The following RBM45 variants were observed in gnomAD, a reference collection of about 807,000 sequenced individuals.
RBM45 encodes RNA binding motif protein 45, also known as RNA-binding protein 45.
RBM45 carries 39 observed loss-of-function variants against 58.5 expected under a neutral mutation model. That is an observed-to-expected ratio of 0.67 (90% CI 0.52 to 0.87). The LOEUF (loss-of-function observed/expected upper bound fraction) is 0.87. Among genes scored for constraint, RBM45 ranks in the 40% least tolerant of loss-of-function variants. The pLI is 0.00. For synonymous variants in RBM45, 193 were observed against 203.0 expected, an observed-to-expected ratio of 0.95 and a Z score of 0.42; for missense variants, 481 against 581.6, an observed-to-expected ratio of 0.83 and a Z score of 1.78.
At chr2:178,137,192 A>T (rs77370645) in exon 4 of RBM45, 1 of 152,216 alleles carries the variant, frequency 6.6e-6, no homozygotes, top group Non-Finnish European at 1.5e-5. Context: ...TAAAACTACA[A>T]TAAGCTACCC....
exon 4 of RBM45, chr2:178,138,592 A>G (rs1464372411): frequency 6.6e-6 from 1 of 152,172 alleles, no homozygotes; most frequent in East Asian, 1.9e-4. Flanking sequence ...TGTGATATAC[A>G]ATGTACTGCT....
At chr2:178,134,427 A>G (rs2088028712), downstream of RBM45, among the ~76,000 whole-genome samples, 2 of 152,118 alleles carry the variant, frequency 1.3e-5, no homozygotes, top group African/African-American at 4.8e-5. Flanking sequence ...TCTTCTCCAA[A>G]TTCTTTTCTG....
At chr2:178,136,317 CAAA>C (rs1483088281) in intron 3 of RBM45, 3 of 152,534 alleles carry the variant, frequency 2.0e-5, no homozygotes, top group African/African-American at 7.2e-5. Context: ...CTCAAACAAA[CAAA>C]AACAAATAAA....
At chr2:178,133,355 G>A (rs2088020208), downstream of RBM45, among the ~76,000 whole-genome samples, 2 of 152,098 alleles carry the variant, frequency 1.3e-5, no homozygotes, top group East Asian at 1.9e-4. Flanking sequence ...AATTGTCTAA[G>A]TAAATTACCA....
downstream of RBM45, among the ~76,000 whole-genome samples, chr2:178,131,917 A>G (rs558622728): frequency 1.3e-5 from 2 of 152,208 alleles, no homozygotes; most frequent in South Asian, 4.1e-4. Flanking sequence ...TTATTAATCT[A>G]GTTGTTTATG....
intron 9 of RBM45, among the ~76,000 whole-genome samples, chr2:178,128,023 A>G (rs1164704163): frequency 3.2e-3 from 57 of 17,840 alleles, no homozygotes; most frequent in African/African-American, 7.7e-3. Context: ...TTTTTTTTTT[A>G]AACACAGAAT....
intron 9 of RBM45, among the ~76,000 whole-genome samples, chr2:178,128,662 A>G (rs1010251721): frequency 6.6e-6 from 1 of 152,200 alleles, no homozygotes. Flanking sequence ...TGTTACGCAT[A>G]TTCAGGGCAG....
intron 5 of RBM45, among the ~76,000 whole-genome samples, chr2:178,121,879 C>T (rs572958298): frequency 8.9e-4 from 135 of 152,290 alleles, no homozygotes; most frequent in Non-Finnish European, 1.2e-3. Flanking sequence ...CCAATATCAG[C>T]CATTTGAACT....
chr2:178,138,693 G>A (rs1278413859), exon 4 of RBM45: 1 of 152,128 alleles, frequency 6.6e-6, no homozygotes, highest in East Asian at 1.9e-4. Context: ...AGGCCAGTCG[G>A]TGAGTATTGA....
rs1404442059 is a variant in RBM45, at chr2:178,120,209, G to A, written c.551-78G>A. ...TGTACAATTATATTTATAAAGCTGAGTCAGGCACTAGCAATCAAGTATATT... is the reference window on the plus strand; with the variant it reads ...TGTACAATTATATTTATAAAGCTGAATCAGGCACTAGCAATCAAGTATATT... On this transcript the variant is annotated intron_variant, in intron 3 of 9. Transcript: ENST00000286070. 1.4e-5 allele frequency: 22 copies of A among 1,570,010 alleles called. No individual in the cohort carries two copies. In the Admixed American group the frequency reaches 3.1e-4, roughly 22 times the overall value.
chr2:178,126,480 C>T lies in RBM45; in HGVS notation c.*8+296C>T, dbSNP rs182699359. On this transcript the variant is annotated intron_variant, in intron 9 of 9. Transcript: ENST00000286070. Reference sequence around the variant, plus strand: ...TGCTTATATAAACTTTTAAGTTGTCCGGTGCTAGAATAAGGATTGCTTTAA... The same window carrying T: ...TGCTTATATAAACTTTTAAGTTGTCTGGTGCTAGAATAAGGATTGCTTTAA... 2.8e-4 allele frequency among the ~76,000 whole-genome samples: 42 copies of T among 150,132 alleles called. No homozygotes were observed. In the East Asian group the frequency reaches 7.2e-3, roughly 26 times the overall value.
In RBM45 at chr2:178,116,402, C is replaced by A; in HGVS notation, c.423+18C>A. The stretch of plus-strand genomic sequence containing the variant: ...AATTTAAGGTATTTATTCTAATCAG[C>A]TAGCATATGTGATAACTCATAGTCC... On this transcript the variant is annotated intron_variant, in intron 2 of 9. Transcript: ENST00000286070. 1 of 1,594,470 alleles carries A rather than the reference C, an allele frequency of 6.3e-7. No individual in the cohort carries two copies. The highest frequency in any genetic ancestry group is 1.1e-5 in the South Asian group (1 of 87,664).
In RBM45 at chr2:178,112,464, A is replaced by G. The variant is rs2087713956; in HGVS notation, c.-83A>G. 1.5e-6 allele frequency: 2 copies of G among 1,339,712 alleles called. No individual in the cohort carries two copies. Among genetic ancestry groups the G allele is most frequent in the Non-Finnish European group, 2.1e-6 (2 of 968,334 alleles). The allele number at this position is 1,339,712 out of a possible 1,614,324, so 83.0% of individuals were successfully genotyped here. A position where few individuals can be genotyped will look rare whatever the true frequency, so the allele number is the denominator to read the frequency against. ...CCCGGAAGCGGAGCACCGAGCCGGC[A>G]AAGGCTTGGGTGTGAGACAGCAGCG... is the stretch of plus-strand genomic sequence containing the variant. On this transcript the variant is annotated 5_prime_UTR_variant, in exon 1 of 10. Coordinates refer to ENST00000286070, the MANE Select transcript of RBM45 (RefSeq NM_152945.4).
rs535010693 is a variant in RBM45 at position 178,118,009 on chromosome 2, C to T, written c.424-46C>T. ...ATTTTTAGTTCTGAAATACTCTGTT[C>T]AATTAATTTTAAGTCCCCTAAAATC... On this transcript the variant is annotated intron_variant, in intron 2 of 9. Transcript: ENST00000286070. The T allele has an allele frequency of 2.2e-5, 33 of 1,474,752 alleles. 2 individuals are homozygous for T. The South Asian group carries it at 4.5e-4, about 20-fold the overall frequency. The allele number at this position is 1,474,752 out of a possible 1,614,324, so 91.4% of individuals were successfully genotyped here. A position where few individuals can be genotyped will look rare whatever the true frequency, so the allele number is the denominator to read the frequency against.
chr2:178,138,077 A>C (rs1380808477), exon 4 of RBM45: 1 of 152,212 alleles, frequency 6.6e-6, no homozygotes, highest in Admixed American at 6.5e-5. Context: ...TAGTCATAGC[A>C]CTAAAGAAAA....
At chr2:178,120,086 T>C (rs892907284) in intron 3 of RBM45, among the ~76,000 whole-genome samples, 3 of 152,214 alleles carry the variant, frequency 2.0e-5, no homozygotes, top group Non-Finnish European at 4.4e-5. Flanking sequence ...CATTGACCCG[T>C]AATTTGGGAT....
intron 3 of RBM45, among the ~76,000 whole-genome samples, chr2:178,135,741 CT>C (rs1250709546): frequency 6.6e-6 from 1 of 152,116 alleles, no homozygotes; most frequent in Non-Finnish European, 1.5e-5. Context: ...CCCACATGGC[CT>C]TTTTGGGTCT....
intron 5 of RBM45, 82 bp downstream of exon 5, chr2:178,121,441 CACAG>C: frequency 1.8e-6 from 1 of 566,846 alleles, no homozygotes; most frequent in Non-Finnish European, 2.5e-6. Context: ...CACACACACA[CACAG>C]AGTTTTGTTA....
intron 3 of RBM45, 147 bp downstream of exon 3, chr2:178,118,328 G>A: frequency 3.8e-6 from 3 of 779,946 alleles, no homozygotes; most frequent in Non-Finnish European, 5.6e-6. Flanking sequence ...GTCCAAGGAA[G>A]AAAAATATTT....
Sources: gnomAD v4.1 joint callset for allele counts (sites outside exome capture counted in the v4.1 genomes callset) on GRCh38, gnomAD v4.1.1 for gene constraint, MANE v1.5 for transcripts, NCBI Gene and HGNC (gene_info 2026-07-23, HGNC 2026-07-21) for gene names.